The following INPP5B variants were observed in gnomAD, a reference collection of about 807,000 sequenced individuals.
The protein encoded by INPP5B is inositol polyphosphate-5-phosphatase B.
Under a neutral mutation model 118.5 loss-of-function variants are expected in INPP5B, and 90 were observed. The observed-to-expected ratio is 0.76, with a 90% confidence interval of 0.64 to 0.90. INPP5B has a LOEUF of 0.90. Among genes scored for constraint, INPP5B ranks in the 40% least tolerant of loss-of-function variants. INPP5B has a pLI of 0.00. For missense variants in INPP5B, 984 were observed against 1,125.6 expected (o/e 0.87, Z 1.80); for synonymous variants, 385 against 418.9 (o/e 0.92, Z 0.99).
At chr1:37,900,476 A>G (rs1644290374) in intron 7 of INPP5B, among the ~76,000 whole-genome samples, 1 of 149,454 alleles carries the variant, frequency 6.7e-6, no homozygotes, top group African/African-American at 2.5e-5. Context: ...GCTGGTCTTG[A>G]ACTCCTGACT....
At chr1:37,934,237 T>A (rs1355490961) in intron 6 of INPP5B, among the ~76,000 whole-genome samples, 1 of 152,158 alleles carries the variant, frequency 6.6e-6, no homozygotes, top group Non-Finnish European at 1.5e-5. Flanking sequence ...CCGGCCCCTA[T>A]TACTTCAATT....
At position 37,901,230 on chromosome 1, in the gene INPP5B, C is replaced by T. The variant is rs1004145075; in HGVS notation, c.533-9776G>A. The stretch of plus-strand genomic sequence containing the variant: ...TTCCTTGCCCAGTGCACAGCAGGCA[C>T]TCTATGTATTAAGTACAGCAAAGTA... On this transcript the variant is annotated intron_variant, in intron 7 of 23. Transcript: ENST00000373024. Among the ~76,000 whole-genome samples the T allele has an allele frequency of 2.6e-5, 4 of 152,222 alleles. No individual in the cohort carries two copies. The South Asian group carries it at 8.3e-4, about 32-fold the overall frequency.
chr1:37,918,224 T>C (rs553676479), intron 7 of INPP5B, among the ~76,000 whole-genome samples: 1 of 152,272 alleles, frequency 6.6e-6, no homozygotes, highest in East Asian at 1.9e-4. Flanking sequence ...TCCCTACCCA[T>C]TTAGCCTCTG....
chr1:37,889,671 G>T lies in INPP5B; in HGVS notation c.683C>A (p.Thr228Lys). Residue 228 changes from threonine (T) to lysine (K), a missense_variant, in exon 9 of 24, where the codon ACA (threonine) becomes AAA (lysine). Thr to Lys is a moderately conservative substitution (Grantham distance 78, BLOSUM62 -1). Transcript: ENST00000373024. ...ITDMVRSSTI[T>K]VSDKAHILSM... is the part of the protein sequence containing the mutation. The stretch of plus-strand genomic sequence containing the variant: ...TAAAATATGAGCCTTGTCCGACACT[G>T]TGATAGTGGAGGAGCGAACCATGTC... The T allele has an allele frequency of 1.2e-6, 2 of 1,613,704 alleles. No homozygotes were observed. Among genetic ancestry groups the T allele is most frequent in the Non-Finnish European group, 1.7e-6 (2 of 1,179,722 alleles).
At chr1:37,905,960 G>A (rs376665206) in intron 7 of INPP5B, among the ~76,000 whole-genome samples, 84 of 152,248 alleles carry the variant, frequency 5.5e-4, no homozygotes, top group African/African-American at 1.9e-3. Flanking sequence ...AATTTAGACC[G>A]TATTTGTTTC....
chr1:37,878,085 C>T (rs1642952688), intron 16 of INPP5B, 103 bp downstream of exon 16: 6 of 1,361,268 alleles, frequency 4.4e-6, no homozygotes, highest in Non-Finnish European at 6.0e-6. Flanking sequence ...GGGCTTCTTC[C>T]CTCTCAAAAG....
At chr1:37,944,177 G>T (rs1646036027) in intron 3 of INPP5B, among the ~76,000 whole-genome samples, 1 of 152,144 alleles carries the variant, frequency 6.6e-6, no homozygotes, top group South Asian at 2.1e-4. Context: ...TTCTAGCACT[G>T]TGTGTGACAG....
rs376994024 is a variant in INPP5B at position 37,943,844 on chromosome 1, A to G, written c.202T>C (p.Ser68Pro). 2.2e-5 allele frequency: 36 copies of G among 1,613,970 alleles called. No homozygotes were observed. The highest frequency in any genetic ancestry group is 2.9e-5 in the Non-Finnish European group (34 of 1,180,022). ...RRMAITGDDV[S>P]LDQIVPVSRD... ...GAGACTGGCACTATCTGGTCCAGAG[A>G]GACATCGTCCCCGGTAATGGCCATC... is the stretch of plus-strand genomic sequence containing the variant. Residue 68 changes from serine (S) to proline (P), a missense_variant, in exon 4 of 24, where the codon TCT becomes CCT. By Grantham distance (74) the Ser-to-Pro change is moderately conservative. Around this residue, in one of 2 missense-constraint regions of INPP5B, gnomAD observed 350 missense variants for 334.6 expected, o/e 1.05. Coordinates refer to ENST00000373024, the MANE Select transcript of INPP5B (RefSeq NM_005540.3).
At position 37,887,001 on chromosome 1, in the gene INPP5B, T is replaced by G. The variant is rs2148510255; in HGVS notation, c.1018A>C (p.Lys340Gln). ...LHPDAKYAKV[K>Q]LIRLVGIMLL... ...ATAATCCCAACCAGTCGGATAAGCT[T>G]CACCTGGAAAAGAGAGACATGGCAT... is the stretch of plus-strand genomic sequence containing the variant. Residue 340 changes from lysine (K) to glutamine (Q), a missense_variant, in exon 12 of 24, where the codon AAG (lysine) becomes CAG (glutamine). Lys to Gln is a moderately conservative substitution (Grantham distance 53, BLOSUM62 1). This residue lies in a region of INPP5B where 634 missense variants were observed against 791.0 expected (regional missense o/e 0.80). Coordinates refer to ENST00000373024, the MANE Select transcript of INPP5B (RefSeq NM_005540.3). The G allele has an allele frequency of 6.2e-7, 1 of 1,613,246 alleles. No individual in the cohort carries two copies. The highest frequency in any genetic ancestry group is 2.2e-5 in the East Asian group (1 of 44,878).
At chr1:37,896,327 G>A (rs1421590788) in intron 7 of INPP5B, among the ~76,000 whole-genome samples, 4 of 148,828 alleles carry the variant, frequency 2.7e-5, no homozygotes, top group Non-Finnish European at 4.5e-5. Context: ...CAACCGCCCC[G>A]TCTGAGAAGT....
chr1:37,896,831 C>T (rs1644115163), intron 7 of INPP5B, among the ~76,000 whole-genome samples: 1 of 140,236 alleles, frequency 7.1e-6, no homozygotes, highest in East Asian at 2.2e-4. Context: ...GTGAGGGGCG[C>T]CTCTGCCTAG....
chr1:37,908,027 G>A (rs543728517), intron 7 of INPP5B, among the ~76,000 whole-genome samples: 72 of 150,108 alleles, frequency 4.8e-4, no homozygotes, highest in African/African-American at 1.5e-3. Context: ...ATTCTCCCCC[G>A]CCCTTAAGAA....
chr1:37,869,365 G>C (rs2148455258), intron 19 of INPP5B, among the ~76,000 whole-genome samples: 1 of 151,178 alleles, frequency 6.6e-6, no homozygotes, highest in Admixed American at 6.6e-5. Context: ...GGCTGGTCTT[G>C]AACACTTGGA....
chr1:37,882,006 G>A (rs1643230400), intron 14 of INPP5B, among the ~76,000 whole-genome samples: 1 of 151,940 alleles, frequency 6.6e-6, no homozygotes, highest in Admixed American at 6.6e-5. Context: ...GGTTGAGGCA[G>A]GAGAATTGCT....
intron 5 of INPP5B, among the ~76,000 whole-genome samples, 159 bp from the exon 6 acceptor site, chr1:37,940,957 C>G (rs1470145593): frequency 6.6e-6 from 1 of 152,146 alleles, no homozygotes; most frequent in Non-Finnish European, 1.5e-5. Context: ...CAAGGAAACC[C>G]TCTGTACCCT....
intron 7 of INPP5B, among the ~76,000 whole-genome samples, chr1:37,897,852 C>T (rs1334685925): frequency 2.0e-5 from 3 of 152,132 alleles, no homozygotes; most frequent in African/African-American, 7.2e-5. Context: ...GGGATGGTTA[C>T]TTGAGCCCAG....
At position 37,868,599 on chromosome 1, in the gene INPP5B, A is replaced by G. The variant is rs757765937; in HGVS notation, c.2203T>C (p.Trp735Arg). Residue 735 changes from tryptophan to arginine, a missense_variant, in exon 20 of 24, where the codon TGG (tryptophan) becomes CGG (arginine). Around this residue, in one of 2 missense-constraint regions of INPP5B, gnomAD observed 634 missense variants for 791.0 expected, o/e 0.80. Coordinates refer to ENST00000373024, the MANE Select transcript of INPP5B (RefSeq NM_005540.3). ...AACTGGCTCCCATCATCTCCAGTCC[A>G]TACTGGCATCAGAGTCTGGAAAGCA... ...TISELTLMPV[W>R]TGDDGSQLDS... 1.2e-5 allele frequency: 19 copies of G among 1,609,382 alleles called. No homozygotes were observed. In the East Asian group the frequency reaches 2.7e-4, roughly 23 times the overall value.
In INPP5B at chr1:37,888,640, A is replaced by G. The variant is rs570483062; in HGVS notation, c.798-296T>C. ...ATCTGCATAATTATTTGCCTTGTAT[A>G]TACTACTGAAATGAAAAAATGAAAA... On this transcript the variant is annotated intron_variant, in intron 9 of 23. Transcript: ENST00000373024. Among the ~76,000 whole-genome samples the G allele has an allele frequency of 2.6e-5, 4 of 152,328 alleles. No homozygotes were observed. In the East Asian group the frequency reaches 5.8e-4, roughly 22 times the overall value.
chr1:37,924,688 C>T lies in INPP5B; in HGVS notation c.532+7225G>A, dbSNP rs575268526. Among the ~76,000 whole-genome samples the T allele has an allele frequency of 2.0e-5, 3 of 151,580 alleles. No homozygotes were observed. The South Asian group carries it at 6.3e-4, about 32-fold the overall frequency. On this transcript the variant is annotated intron_variant, in intron 7 of 23. Transcript: ENST00000373024. ...TTGGGAGGCAGAGGCGGGAAGATCA[C>T]TTGAGGTCAGGAGTTTGAGACCGGC...
Sources: allele counts gnomAD v4.1 joint callset (sites outside exome capture counted in the v4.1 genomes callset), GRCh38; gene constraint gnomAD v4.1.1; regional missense constraint gnomAD v4.1.1; transcripts MANE v1.5; gene names NCBI Gene and HGNC (gene_info 2026-07-23, HGNC 2026-07-21).